Variants in SEL1L3 observed in about 807,000 individuals in gnomAD.
SEL1L3 encodes protein sel-1 homolog 3.
SEL1L3 carries 76 observed loss-of-function variants against 142.8 expected under a neutral mutation model. The observed-to-expected ratio is 0.53, with a 90% confidence interval of 0.44 to 0.64. The LOEUF (loss-of-function observed/expected upper bound fraction) is 0.64, where lower values mean the gene tolerates loss of function less well. Among genes scored for constraint, SEL1L3 ranks in the 30% least tolerant of loss-of-function variants. SEL1L3 has a pLI of 0.00. For synonymous variants in SEL1L3, 504 were observed against 519.6 expected, an observed-to-expected ratio of 0.97 and a Z score of 0.41; for missense variants, 1,262 against 1,381.7, an observed-to-expected ratio of 0.91 and a Z score of 1.37.
the SEL1L3 span, among the ~76,000 whole-genome samples, chr4:25,737,788 T>A: frequency 2.6e-5 from 4 of 152,262 alleles, no homozygotes; most frequent in Admixed American, 1.3e-4. Context: ...CTAGATTACT[T>A]ATAATACCTA....
chr4:25,850,828 T>G (rs1232339924), intron 1 of SEL1L3, among the ~76,000 whole-genome samples: 2 of 152,052 alleles, frequency 1.3e-5, no homozygotes, highest in African/African-American at 4.8e-5. Context: ...GTTTTTGAAT[T>G]TTCAGGGTTT....
At chr4:25,820,028 TCTC>T in intron 7 of SEL1L3, 88 bp from the exon 8 acceptor site, 1 of 1,322,570 alleles carries the variant, frequency 7.6e-7, no homozygotes, top group Admixed American at 2.1e-5. Context: ...TTGACTTTGT[TCTC>T]CCATTGACAT....
chr4:25,722,879 T>C, the SEL1L3 span, among the ~76,000 whole-genome samples: 2 of 152,136 alleles, frequency 1.3e-5, no homozygotes, highest in African/African-American at 2.4e-5. Flanking sequence ...TTAATCAATA[T>C]ATAAATGTTC....
intron 19 of SEL1L3, among the ~76,000 whole-genome samples, 199 bp from the exon 20 acceptor site, chr4:25,765,634 T>A (rs1331054448): frequency 6.6e-6 from 1 of 151,542 alleles, no homozygotes; most frequent in African/African-American, 2.4e-5. Flanking sequence ...CTAGACATAT[T>A]TTTTTTCTTT....
chr4:25,740,657 C>T, the SEL1L3 span, among the ~76,000 whole-genome samples: 1,118 of 152,220 alleles, frequency 7.3e-3, 21 homozygotes, highest in African/African-American at 0.026. Flanking sequence ...GGCTTTCTGA[C>T]CCCTAAATGC....
chr4:25,753,590 C>T (rs907701549), intron 23 of SEL1L3, among the ~76,000 whole-genome samples: 2 of 152,250 alleles, frequency 1.3e-5, no homozygotes, highest in Non-Finnish European at 2.9e-5. Context: ...TGAGCAGCAT[C>T]GCCTTTGCAG....
intron 23 of SEL1L3, among the ~76,000 whole-genome samples, chr4:25,754,502 C>T (rs1018714705): frequency 2.0e-5 from 3 of 151,812 alleles, no homozygotes; most frequent in Non-Finnish European, 4.4e-5. Context: ...GAGTGAACCA[C>T]CATACCCGTC....
intron 20 of SEL1L3, among the ~76,000 whole-genome samples, chr4:25,761,757 A>C (rs765279053): frequency 2.0e-5 from 3 of 152,198 alleles, no homozygotes; most frequent in Non-Finnish European, 4.4e-5. Flanking sequence ...ATGCAAGTTA[A>C]AAACAGTAAG....
chr4:25,842,624 AC>A (rs2109301998), intron 2 of SEL1L3, among the ~76,000 whole-genome samples: 1 of 151,834 alleles, frequency 6.6e-6, no homozygotes, highest in South Asian at 2.1e-4. Context: ...TGCCACCTCC[AC>A]CCCCACACCC....
the SEL1L3 span, chr4:25,720,005 A>G: frequency 2.6e-5 from 4 of 152,216 alleles, no homozygotes; most frequent in East Asian, 7.7e-4. Context: ...GTATGCTAAT[A>G]TAATATTAAT....
intron 4 of SEL1L3, 39 bp from the exon 5 acceptor site, chr4:25,833,149 A>C (rs1560341826): frequency 8.7e-7 from 1 of 1,153,068 alleles, no homozygotes; most frequent in East Asian, 2.3e-5. Flanking sequence ...TGAGCAAAAA[A>C]TATCTACGAG....
chr4:25,859,370 C>T (rs887835872), intron 1 of SEL1L3, among the ~76,000 whole-genome samples: 8 of 152,340 alleles, frequency 5.3e-5, no homozygotes, highest in African/African-American at 1.9e-4. Context: ...TGTTTGGCAT[C>T]GTTCCGTGAC....
chr4:25,740,509 G>A, the SEL1L3 span, among the ~76,000 whole-genome samples: 32 of 151,548 alleles, frequency 2.1e-4, no homozygotes, highest in East Asian at 5.5e-3. Context: ...GAGCACATCC[G>A]TTCTCCTACT....
intron 11 of SEL1L3, 73 bp downstream of exon 11, chr4:25,802,210 C>T: frequency 7.1e-7 from 1 of 1,408,414 alleles, no homozygotes; most frequent in Admixed American, 2.2e-5. Flanking sequence ...CAAAAGCAAC[C>T]ACAGGGGCAG....
rs376303100 is a variant in SEL1L3 at position 25,847,612 on chromosome 4, G to A, written c.415C>T (p.His139Tyr). The A allele has an allele frequency of 4.2e-5, 68 of 1,613,866 alleles. No individual in the cohort carries two copies. The highest frequency in any genetic ancestry group is 1.6e-4 in the Middle Eastern group (1 of 6,084). ...TGTACTATTTGTGTCCTGCTGGTGT[G>A]AAGATGTTTCTCATTCTTCCACCTT... ...KKRWKNEKHL[H>Y]TSRTQIVHVK... is the part of the protein sequence containing the mutation. Residue 139 changes from histidine to tyrosine, a missense_variant, in exon 2 of 24, where the codon CAC becomes TAC. Transcript: ENST00000399878.
At chr4:25,714,498 CTT>C in the SEL1L3 span, among the ~76,000 whole-genome samples, 566 of 48,626 alleles carry the variant, frequency 0.012, 7 homozygotes, top group African/African-American at 0.042. Flanking sequence ...CTCTTTCTTT[CTT>C]TTTCTTTCTT....
At chr4:25,836,904 T>C (rs17681098) in intron 2 of SEL1L3, among the ~76,000 whole-genome samples, 49,130 of 151,950 alleles carry the variant, frequency 0.32, 8,597 homozygotes, top group Admixed American at 0.41. Context: ...TACTACAATT[T>C]GGAAATCGTA....
intron 17 of SEL1L3, among the ~76,000 whole-genome samples, chr4:25,775,186 T>A (rs758010425): frequency 2.6e-5 from 4 of 152,150 alleles, no homozygotes; most frequent in Non-Finnish European, 2.9e-5. Flanking sequence ...GGGGAAACAG[T>A]AACTTTCTGA....
intron 13 of SEL1L3, among the ~76,000 whole-genome samples, chr4:25,786,594 G>A (rs774764437): frequency 7.9e-5 from 12 of 152,166 alleles, no homozygotes; most frequent in Non-Finnish European, 1.3e-4. Flanking sequence ...GACAGGTGCT[G>A]CTCCTCTGTG....
Sources: gnomAD v4.1 joint callset for allele counts (sites outside exome capture counted in the v4.1 genomes callset) on GRCh38, gnomAD v4.1.1 for gene constraint, MANE v1.5 for transcripts, NCBI Gene and HGNC (gene_info 2026-07-23, HGNC 2026-07-21) for gene names.